The following VAV3 variants were observed in gnomAD, a reference collection of about 807,000 sequenced individuals.
The protein encoded by VAV3 is guanine nucleotide exchange factor VAV3.
Under a neutral mutation model 131.2 loss-of-function variants are expected in VAV3, and 94 were observed. The ratio of observed to expected loss-of-function variants is 0.72; its 90% CI spans 0.61 to 0.85. VAV3 has a LOEUF of 0.85. VAV3 is among the 40% of genes least tolerant of loss of function. The pLI is 0.00. For missense variants in VAV3, 939 were observed against 1,002.7 expected, an observed-to-expected ratio of 0.94 and a Z score of 0.86; for synonymous variants, 349 against 342.0, an observed-to-expected ratio of 1.02 and a Z score of -0.22.
At chr1:107,816,345 G>A (rs971374410) in intron 2 of VAV3, among the ~76,000 whole-genome samples, 1 of 152,152 alleles carries the variant, frequency 6.6e-6, no homozygotes, top group Non-Finnish European at 1.5e-5. Context: ...ATTCCACAAA[G>A]TGATTTTTAA....
chr1:107,760,464 G>A (rs543821261), intron 10 of VAV3, among the ~76,000 whole-genome samples: 15 of 152,282 alleles, frequency 9.9e-5, no homozygotes, highest in African/African-American at 3.6e-4. Flanking sequence ...ATATTGAGGT[G>A]CTCATAAATA....
At chr1:107,623,130 A>G (rs967622666) in intron 20 of VAV3, among the ~76,000 whole-genome samples, 5 of 152,134 alleles carry the variant, frequency 3.3e-5, no homozygotes, top group Admixed American at 6.6e-5. Flanking sequence ...AAAACACACA[A>G]AGGCAGTATC....
intron 2 of VAV3, among the ~76,000 whole-genome samples, chr1:107,863,951 T>C (rs1165985625): frequency 6.6e-6 from 1 of 152,156 alleles, no homozygotes; most frequent in Non-Finnish European, 1.5e-5. Context: ...TCTCCAGAAG[T>C]GTATGTACAG....
intron 17 of VAV3, among the ~76,000 whole-genome samples, chr1:107,699,262 G>A (rs1329537146): frequency 2.0e-5 from 3 of 152,246 alleles, no homozygotes; most frequent in African/African-American, 4.8e-5. Flanking sequence ...TGTTCCAAAT[G>A]GGAGAAATTG....
chr1:107,704,970 T>C lies in VAV3; in HGVS notation c.1594A>G (p.Met532Val), dbSNP rs745550018. 3 of 1,613,710 alleles carry C rather than the reference T, an allele frequency of 1.9e-6. No homozygotes were observed. Among genetic ancestry groups the C allele is most frequent in the East Asian group, 2.2e-5 (1 of 44,864 alleles). The change falls in exon 16 of 27, where the codon ATG becomes GTG. Residue 532 changes from methionine to valine, a missense_variant. By Grantham distance (21) the Met-to-Val change is conservative. Coordinates refer to ENST00000370056, the MANE Select transcript of VAV3 (RefSeq NM_006113.5). ...TRVTSCKVCQ[M>V]LLRGTFYQGY... is the part of the protein sequence containing the mutation. Reference sequence around the variant, plus strand: ...ACTGAGCAGGCTTACCTCAGGAGCATCTGGCAGACTTTGCAGGATGTGACT... The same window carrying C: ...ACTGAGCAGGCTTACCTCAGGAGCACCTGGCAGACTTTGCAGGATGTGACT...
At chr1:107,689,959 TGG>T (rs2101776693) in intron 17 of VAV3, among the ~76,000 whole-genome samples, 1 of 152,198 alleles carries the variant, frequency 6.6e-6, no homozygotes, top group Admixed American at 6.5e-5. Context: ...ATTCCCCTAC[TGG>T]TGAGTTAGAG....
chr1:107,671,270 A>G (rs570837025), intron 19 of VAV3, among the ~76,000 whole-genome samples: 2 of 152,328 alleles, frequency 1.3e-5, no homozygotes, highest in East Asian at 1.9e-4. Flanking sequence ...TATGATCACA[A>G]CGGTTAATAT....
intron 2 of VAV3, among the ~76,000 whole-genome samples, chr1:107,835,248 C>A (rs900590635): frequency 6.6e-6 from 1 of 152,184 alleles, no homozygotes; most frequent in East Asian, 1.9e-4. Flanking sequence ...AGCCTCAGTG[C>A]CTTGCCATGG....
At chr1:107,828,700 T>G (rs1668117777) in intron 2 of VAV3, among the ~76,000 whole-genome samples, 1 of 152,176 alleles carries the variant, frequency 6.6e-6, no homozygotes, top group African/African-American at 2.4e-5. Flanking sequence ...AAAGGTTCTC[T>G]GCTTTTCAGG....
At chr1:107,813,967 AGT>A (rs58318688) in intron 2 of VAV3, among the ~76,000 whole-genome samples, 30,656 of 135,386 alleles carry the variant, frequency 0.23, 3,358 homozygotes, top group Admixed American at 0.27. Context: ...ATAGTACTCC[AGT>A]GTGTGTGTGT....
chr1:107,674,895 T>C (rs1570732134), intron 19 of VAV3, among the ~76,000 whole-genome samples: 1 of 152,232 alleles, frequency 6.6e-6, no homozygotes, highest in African/African-American at 2.4e-5. Flanking sequence ...CAAGCATCCA[T>C]GGTGAGTAGG....
intron 20 of VAV3, among the ~76,000 whole-genome samples, chr1:107,625,226 T>C (rs779971898): frequency 7.2e-5 from 11 of 151,772 alleles, no homozygotes; most frequent in Admixed American, 2.6e-4. Context: ...AATTCTTAAT[T>C]AGGGATGATG....
At chr1:107,963,412 A>G (rs1675236609) in intron 1 of VAV3, 5 of 152,240 alleles carry the variant, frequency 3.3e-5, no homozygotes, top group Middle Eastern at 6.8e-3. Flanking sequence ...GTATAAAATA[A>G]TTTACCTCAC....
intron 2 of VAV3, among the ~76,000 whole-genome samples, chr1:107,812,990 G>A (rs1667390409): frequency 6.6e-6 from 1 of 151,926 alleles, no homozygotes; most frequent in Non-Finnish European, 1.5e-5. Context: ...AGGTGTGGTG[G>A]CACGCACCTG....
Position 107,656,235 on chromosome 1 carries a change from T to C in VAV3, c.1778-13480A>G, listed in dbSNP as rs183042318. On this transcript the variant is annotated intron_variant, in intron 19 of 26. Coordinates refer to ENST00000370056, the MANE Select transcript of VAV3 (RefSeq NM_006113.5). ...ATCAATGGATGGGTGGATAAGAAAA[T>C]GTGGCATATATACACAATGAAACAT... Among the ~76,000 whole-genome samples the C allele has an allele frequency of 1.9e-4, 29 of 152,150 alleles. No individual in the cohort carries two copies. In the East Asian group the frequency reaches 5.6e-3, roughly 29 times the overall value.
chr1:107,903,177 A>T (rs1671952424), intron 1 of VAV3, among the ~76,000 whole-genome samples: 1 of 152,162 alleles, frequency 6.6e-6, no homozygotes. Flanking sequence ...TTTTTAAAAA[A>T]ATCTGAGCAG....
At chr1:107,816,473 A>T (rs1450712271) in intron 2 of VAV3, among the ~76,000 whole-genome samples, 4 of 152,170 alleles carry the variant, frequency 2.6e-5, no homozygotes, top group African/African-American at 9.7e-5. Context: ...AGTCTTATAC[A>T]GTCTTGAGCA....
intron 20 of VAV3, among the ~76,000 whole-genome samples, chr1:107,626,678 T>C (rs1455616074): frequency 6.6e-6 from 1 of 152,140 alleles, no homozygotes; most frequent in African/African-American, 2.4e-5. Flanking sequence ...CTTAAAAGGA[T>C]CATTGCCATG....
chr1:107,780,020 G>A (rs1411654528), intron 2 of VAV3, among the ~76,000 whole-genome samples: 1 of 152,122 alleles, frequency 6.6e-6, no homozygotes, highest in African/African-American at 2.4e-5. Flanking sequence ...AAGTTCTATT[G>A]GACAGTCCTG....
Sources: gnomAD v4.1 joint callset for allele counts (sites outside exome capture counted in the v4.1 genomes callset) on GRCh38, gnomAD v4.1.1 for gene constraint, MANE v1.5 for transcripts, NCBI Gene and HGNC (gene_info 2026-07-23, HGNC 2026-07-21) for gene names.